The following NECTIN2 variants were observed in gnomAD, a reference collection of about 807,000 sequenced individuals.
NECTIN2 encodes nectin-2.
NECTIN2 carries 23 observed loss-of-function variants against 56.9 expected under a neutral mutation model. The ratio of observed to expected loss-of-function variants is 0.40; its 90% CI spans 0.29 to 0.57. NECTIN2 has a LOEUF of 0.57. Ranked by LOEUF, NECTIN2 falls within the 20% of genes least tolerant of loss-of-function variation. NECTIN2 has a pLI of 0.38. For synonymous variants in NECTIN2, 302 were observed against 313.8 expected (o/e 0.96, Z 0.40); for missense variants, 587 against 718.3 (o/e 0.82, Z 2.09).
In NECTIN2 at chr19:44,874,355, G is replaced by A. The variant is rs748385939; in HGVS notation, c.919G>A (p.Ala307Thr). ...GACCTCAGGCACCTTCCCGACCTCC[G>A]CAGTGGCCCAGGGCTCCCAGCTGGT... ...STTSGTFPTS[A>T]VAQGSQLVIH... The change falls in exon 5 of 9, where the codon GCA (alanine) becomes ACA (threonine). Residue 307 changes from alanine to threonine, a missense_variant. Ala to Thr is a moderately conservative substitution (Grantham distance 58). Coordinates refer to ENST00000252483, the MANE Select transcript of NECTIN2 (RefSeq NM_001042724.2). The surrounding 1 kb of genome is among the most constrained non-coding windows in gnomAD (Gnocchi z 6.3). 1.4e-5 allele frequency: 22 copies of A among 1,613,974 alleles called. No homozygotes were observed. Among genetic ancestry groups the A allele is most frequent in the Admixed American group, 1.2e-4 (7 of 59,994 alleles).
chr19:44,881,054 G>A (rs1172611148), intron 5 of NECTIN2, among the ~76,000 whole-genome samples: 1 of 149,972 alleles, frequency 6.7e-6, no homozygotes, highest in African/African-American at 2.5e-5. Context: ...GATTACAGGC[G>A]TGAGCCAACG....
intron 1 of NECTIN2, among the ~76,000 whole-genome samples, chr19:44,862,675 A>T (rs1969046993): frequency 6.6e-6 from 1 of 152,112 alleles, no homozygotes; most frequent in African/African-American, 2.4e-5. Context: ...TGGACAGTGG[A>T]GACTACAAAA....
chr19:44,885,936 G>A lies in NECTIN2; in HGVS notation c.1197-1G>A. 6.3e-7 allele frequency: 1 copy of A among 1,576,758 alleles called. No individual in the cohort carries two copies. The highest frequency in any genetic ancestry group is 1.1e-5 in the South Asian group (1 of 90,262). ...CACTTGTCCTACCTCCTACCCCACA[G>A]CCTGGAGGGACCTCCCTCCTACAAG... On this transcript the variant is annotated splice_acceptor_variant, in intron 6 of 8. Transcript: ENST00000252483. LOFTEE classifies it high-confidence loss of function.
chr19:44,863,904 G>A (rs1969062645), intron 1 of NECTIN2, among the ~76,000 whole-genome samples: 1 of 151,232 alleles, frequency 6.6e-6, no homozygotes, highest in African/African-American at 2.4e-5. Flanking sequence ...TCATAGGAAG[G>A]TGAGAGAAAG....
chr19:44,872,887 TTA>T (rs1327682826), intron 3 of NECTIN2, among the ~76,000 whole-genome samples: 1 of 144,264 alleles, frequency 6.9e-6, no homozygotes, highest in African/African-American at 2.7e-5. Flanking sequence ...TTGTCATTAT[TTA>T]TTATTGTTAT....
intron 2 of NECTIN2, among the ~76,000 whole-genome samples, chr19:44,868,970 C>T (rs1028924818): frequency 6.6e-6 from 1 of 151,946 alleles, no homozygotes; most frequent in Non-Finnish European, 1.5e-5. Context: ...AGGCAACTTC[C>T]CAGAAGCCAC....
intron 5 of NECTIN2, 118 bp from the exon 6 acceptor site, chr19:44,882,093 C>T (rs1969313860): frequency 1.1e-6 from 1 of 905,300 alleles, no homozygotes; most frequent in Middle Eastern, 3.9e-4. Context: ...AAGAATGTCC[C>T]CTGCCCATGG....
chr19:44,874,379 G>T lies in NECTIN2; in HGVS notation c.943G>T (p.Val315Phe). Reference protein sequence around the residue: ...TSAVAQGSQLVIHAVDSLFNT... With the variant: ...TSAVAQGSQLFIHAVDSLFNT... ...CGCAGTGGCCCAGGGCTCCCAGCTG[G>T]TCATCCACGCAGTGGACAGTCTGTT... The change falls in exon 5 of 9, where the codon GTC becomes TTC. Residue 315 changes from valine (V) to phenylalanine (F), a missense_variant. Physicochemically the swap from Val to Phe is conservative, Grantham distance 50 (BLOSUM62 -1). Coordinates refer to ENST00000252483, the MANE Select transcript of NECTIN2 (RefSeq NM_001042724.2). The surrounding 1 kb of genome is among the most constrained non-coding windows in gnomAD (Gnocchi z 6.3). The T allele has an allele frequency of 1.2e-6, 2 of 1,614,106 alleles. No individual in the cohort carries two copies. The highest frequency in any genetic ancestry group is 8.5e-7 in the Non-Finnish European group (1 of 1,180,014).
chr19:44,874,623 T>C lies in NECTIN2; in HGVS notation c.1042+145T>C, dbSNP rs887038532. On this transcript the variant is annotated intron_variant, in intron 5 of 8. Transcript: ENST00000252483. This position sits in a 1 kb window ranked among gnomAD's most constrained non-coding sequence, Gnocchi z 6.3. ...CTGCCTGGCTGAGGGGAGATGAGGG[T>C]TGGCCTTCCCCTCGTGGCCTCAGAC... 9.5e-7 allele frequency: 1 copy of C among 1,055,524 alleles called. No individual in the cohort carries two copies. The highest frequency in any genetic ancestry group is 1.4e-6 in the Non-Finnish European group (1 of 730,768). The allele number at this position is 1,055,524 out of a possible 1,614,324, so 65.4% of individuals were successfully genotyped here.
chr19:44,879,232 T>G (rs1033573530), intron 5 of NECTIN2, among the ~76,000 whole-genome samples: 2 of 152,012 alleles, frequency 1.3e-5, no homozygotes, highest in Admixed American at 1.3e-4. Flanking sequence ...AGAGGCTGCC[T>G]TTCTGGATGG....
intron 5 of NECTIN2, among the ~76,000 whole-genome samples, chr19:44,876,204 A>T (rs924556993): frequency 7.9e-5 from 12 of 152,120 alleles, no homozygotes; most frequent in African/African-American, 2.7e-4. Flanking sequence ...ACAATGGTGA[A>T]TGAGCCACAG....
At chr19:44,877,984 C>G (rs1432061732) in intron 5 of NECTIN2, among the ~76,000 whole-genome samples, 1 of 152,110 alleles carries the variant, frequency 6.6e-6, no homozygotes, top group African/African-American at 2.4e-5. Flanking sequence ...TGGCATCCCC[C>G]TCCTTGTACA....
intron 1 of NECTIN2, among the ~76,000 whole-genome samples, chr19:44,862,674 G>A (rs1412271189): frequency 6.6e-6 from 1 of 152,030 alleles, no homozygotes; most frequent in African/African-American, 2.4e-5. Context: ...ATGGACAGTG[G>A]AGACTACAAA....
At chr19:44,882,918 A>C (rs1178066161) in intron 6 of NECTIN2, among the ~76,000 whole-genome samples, 1 of 151,232 alleles carries the variant, frequency 6.6e-6, no homozygotes, top group African/African-American at 2.4e-5. Context: ...AGTAGCTGGG[A>C]ATACAGGCGC....
chr19:44,889,137 G>A lies in NECTIN2; in HGVS notation c.*758G>A, dbSNP rs931352139. ...AATAGGACCTAAACATCCCCCTTCC[G>A]GGGAAAGTGGGTCATCTGAATTGGG... On this transcript the variant is annotated 3_prime_UTR_variant, in exon 9 of 9. Transcript: ENST00000252483. 6 of 152,276 alleles carry A rather than the reference G, an allele frequency of 3.9e-5. No homozygotes were observed. Among genetic ancestry groups the A allele is most frequent in the South Asian group, 2.1e-4 (1 of 4,836 alleles). 9.4% of individuals were successfully genotyped at this position (152,276 alleles called of 1,614,324 possible).
chr19:44,870,939 A>G (rs984116406), intron 2 of NECTIN2, among the ~76,000 whole-genome samples: 2 of 152,080 alleles, frequency 1.3e-5, no homozygotes, highest in Non-Finnish European at 2.9e-5. Context: ...CACGTTGGCC[A>G]CGCTAGTCTA....
chr19:44,882,404 G>A lies in NECTIN2; in HGVS notation c.1196+40G>A, dbSNP rs147807769. The A allele has an allele frequency of 3.1e-4, 421 of 1,353,108 alleles. 1 individual carries two copies. In the African/African-American group the frequency reaches 5.6e-3, roughly 18 times the overall value. The allele number at this position is 1,353,108 out of a possible 1,614,324, so 83.8% of individuals were successfully genotyped here. On this transcript the variant is annotated intron_variant, in intron 6 of 8. Coordinates refer to ENST00000252483, the MANE Select transcript of NECTIN2 (RefSeq NM_001042724.2). ...CTGAGACGGGGATGGGAGAGGGGTC[G>A]AAGAACTGAGGAGTATGGGGTAGGG...
intron 5 of NECTIN2, chr19:44,878,682 G>A: frequency 1.3e-6 from 2 of 1,533,722 alleles, no homozygotes; most frequent in Non-Finnish European, 1.8e-6. Context: ...GACCACGCCG[G>A]CCTAGGGTTC....
chr19:44,870,565 A>AT (rs1200457904), intron 2 of NECTIN2, among the ~76,000 whole-genome samples: 4 of 150,410 alleles, frequency 2.7e-5, no homozygotes, highest in African/African-American at 1.0e-4. Flanking sequence ...TGGAAAGGGT[A>AT]TAAAAAAAAG....
Sources: allele counts gnomAD v4.1 joint callset (sites outside exome capture counted in the v4.1 genomes callset), GRCh38; gene constraint gnomAD v4.1.1; non-coding constraint Gnocchi (gnomAD v3.1); transcripts MANE v1.5; gene names NCBI Gene and HGNC (gene_info 2026-07-23, HGNC 2026-07-21).